USP6NL: variants seen among roughly 807,000 people sequenced by gnomAD.
USP6NL encodes USP6 N-terminal-like protein.
Under a neutral mutation model 61.9 loss-of-function variants are expected in USP6NL, and 26 were observed. That is an observed-to-expected ratio of 0.42 (90% CI 0.31 to 0.58). USP6NL has a LOEUF of 0.58. Among genes scored for constraint, USP6NL ranks in the 20% least tolerant of loss-of-function variants. The pLI, the probability that USP6NL is intolerant of heterozygous loss-of-function variation, is 0.16. For synonymous variants in USP6NL, 432 were observed against 390.1 expected, an observed-to-expected ratio of 1.11 and a Z score of -1.27; for missense variants, 1,114 against 1,034.3, an observed-to-expected ratio of 1.08 and a Z score of -1.06.
At chr10:11,471,881 C>T (rs1254939191) in intron 14 of USP6NL, among the ~76,000 whole-genome samples, 1 of 150,090 alleles carries the variant, frequency 6.7e-6, no homozygotes, top group Non-Finnish European at 1.5e-5. Flanking sequence ...ATGTAAATGA[C>T]GAGTTAATGG....
At chr10:11,552,294 G>C (rs552300474) in intron 2 of USP6NL, among the ~76,000 whole-genome samples, 1 of 152,352 alleles carries the variant, frequency 6.6e-6, no homozygotes, top group African/African-American at 2.4e-5. Context: ...GAATGACAGT[G>C]AACTTAAACA....
rs1007081958 is a variant in USP6NL, at chr10:11,491,097, AAC to A, written c.495-219_495-218del. On this transcript the variant is annotated intron_variant, in intron 8 of 14. Coordinates refer to ENST00000609104, the MANE Select transcript of USP6NL (RefSeq NM_014688.5). The surrounding 1 kb of genome is among the most constrained non-coding windows in gnomAD (Gnocchi z 4.7). ...ATTCTGAAAGGATTTATACCAAGAAAACACAAAACACTTCAAAATTCCTAAAA... is the reference window on the plus strand; with the variant it reads ...ATTCTGAAAGGATTTATACCAAGAAAACAAAACACTTCAAAATTCCTAAAA... 3.3e-5 allele frequency among the ~76,000 whole-genome samples: 5 copies of A among 152,348 alleles called. No homozygotes were observed. The East Asian group carries it at 9.6e-4, about 29-fold the overall frequency.
chr10:11,508,530 A>C (rs1045692575), intron 6 of USP6NL, among the ~76,000 whole-genome samples: 1 of 152,248 alleles, frequency 6.6e-6, no homozygotes, highest in African/African-American at 2.4e-5. Flanking sequence ...CTTGGAACTA[A>C]TCAAGGCAGC....
chr10:11,462,189 C>T lies in USP6NL; in HGVS notation c.*252G>A, dbSNP rs1420573809. ...AACTGAGTAATAAATTACCACTGTGCGTGCATCCCTAAATGCTATTGCGAT... is the reference window on the plus strand; with the variant it reads ...AACTGAGTAATAAATTACCACTGTGTGTGCATCCCTAAATGCTATTGCGAT... On this transcript the variant is annotated 3_prime_UTR_variant, in exon 15 of 15. Coordinates refer to ENST00000609104, the MANE Select transcript of USP6NL (RefSeq NM_014688.5). 1.5e-5 allele frequency: 7 copies of T among 460,154 alleles called. No homozygotes were observed. The highest frequency in any genetic ancestry group is 2.3e-5 in the Non-Finnish European group (6 of 261,750). The allele number at this position is 460,154 out of a possible 1,614,324, so 28.5% of individuals were successfully genotyped here.
rs1020982671 is a variant in USP6NL, at chr10:11,572,640, A to G, written c.4+24991T>C. On this transcript the variant is annotated intron_variant, in intron 2 of 14. Coordinates refer to ENST00000609104, the MANE Select transcript of USP6NL (RefSeq NM_014688.5). ...TCATAAGCTTTACTTTAAAACACAG[A>G]TTATATCACATTAAAGAAAAAATAT... Among the ~76,000 whole-genome samples, 3 of 152,132 alleles carry G rather than the reference A, an allele frequency of 2.0e-5. No individual in the cohort carries two copies. The East Asian group carries it at 5.8e-4, about 29-fold the overall frequency.
intron 2 of USP6NL, among the ~76,000 whole-genome samples, chr10:11,539,446 T>C (rs985514760): frequency 1.3e-5 from 2 of 152,206 alleles, no homozygotes; most frequent in African/African-American, 4.8e-5. Flanking sequence ...CAAATCAGAC[T>C]AGTAACTCCT....
Position 11,485,038 on chromosome 10 carries a change from A to G in USP6NL, c.858T>C (p.Asp286=), listed in dbSNP as rs1269128862. Residue 286 remains aspartate (D), a synonymous_variant, in exon 13 of 15, where the codon GAT becomes GAC. Coordinates refer to ENST00000609104, the MANE Select transcript of USP6NL (RefSeq NM_014688.5). The surrounding 1 kb of genome is among the most constrained non-coding windows in gnomAD (Gnocchi z 4.8). The part of the protein sequence containing the change: ...TPFTLNLRIW[D]IYIFEGERVL... ...CTCGTTCTCCTTCAAAGATGTAGAT[A>G]TCCCATATTCTGAGGTTTAGTGTAA... 2 of 1,551,264 alleles carry G rather than the reference A, an allele frequency of 1.3e-6. No individual in the cohort carries two copies. The highest frequency in any genetic ancestry group is 2.4e-5 in the East Asian group (1 of 41,136).
At chr10:11,484,452 T>G (rs1401008063) in intron 13 of USP6NL, among the ~76,000 whole-genome samples, 1 of 152,104 alleles carries the variant, frequency 6.6e-6, no homozygotes, top group Non-Finnish European at 1.5e-5. Flanking sequence ...CTGGCTGAAC[T>G]TGCCCCAGAG....
rs1057140257 is a variant in USP6NL at position 11,520,995 on chromosome 10, G to A, written c.156-2421C>T. On this transcript the variant is annotated intron_variant, in intron 4 of 14. Coordinates refer to ENST00000609104, the MANE Select transcript of USP6NL (RefSeq NM_014688.5). This position sits in a 1 kb window ranked among gnomAD's most constrained non-coding sequence, Gnocchi z 5.2. ...TACAGTAAGGGAAAACCATAAGACA[G>A]CCATCTCTGGAAAGAGAGAGACCTT... is the stretch of plus-strand genomic sequence containing the variant. Among the ~76,000 whole-genome samples the A allele has an allele frequency of 1.3e-5, 2 of 152,140 alleles. No homozygotes were observed. Among genetic ancestry groups the A allele is most frequent in the Admixed American group, 6.6e-5 (1 of 15,262 alleles).
In USP6NL at chr10:11,487,170, G is replaced by A. The variant is rs1833505413; in HGVS notation, c.665-1259C>T. Among the ~76,000 whole-genome samples the A allele has an allele frequency of 6.6e-6, 1 of 152,102 alleles. No homozygotes were observed. Among genetic ancestry groups the A allele is most frequent in the South Asian group, 2.1e-4 (1 of 4,828 alleles). On this transcript the variant is annotated intron_variant, in intron 10 of 14. Transcript: ENST00000609104. This position sits in a 1 kb window ranked among gnomAD's most constrained non-coding sequence, Gnocchi z 4.2. ...AGTCAATACAGTTCAGTAATAACTA[G>A]CTCAAGAATGCTAAGAAGCCTAACA...
chr10:11,609,923 G>A (rs1244313869), intron 1 of USP6NL, among the ~76,000 whole-genome samples: 1 of 152,174 alleles, frequency 6.6e-6, no homozygotes, highest in African/African-American at 2.4e-5. Flanking sequence ...ACTGGTAATG[G>A]ACTAGTCTTA....
At chr10:11,492,259 G>A (rs1833735986) in intron 8 of USP6NL, among the ~76,000 whole-genome samples, 1 of 152,198 alleles carries the variant, frequency 6.6e-6, no homozygotes, top group South Asian at 2.1e-4. Context: ...AGTTGACAAG[G>A]CTGGACTGCA....
rs1243732654 is a variant in USP6NL at position 11,589,252 on chromosome 10, AG to A, written c.4+8378del. On this transcript the variant is annotated intron_variant, in intron 2 of 14. Transcript: ENST00000609104. This position sits in a 1 kb window ranked among gnomAD's most constrained non-coding sequence, Gnocchi z 4.7. ...TTATAGTGGTCTGAATTAACCACTT[AG>A]CATGTAAATTTCTGTTATATTAGTT... Among the ~76,000 whole-genome samples, 1 of 152,246 alleles carries A rather than the reference AG, an allele frequency of 6.6e-6. No homozygotes were observed. The highest frequency in any genetic ancestry group is 1.5e-5 in the Non-Finnish European group (1 of 68,040).
rs1838274385 is a variant in USP6NL at position 11,594,806 on chromosome 10, T to C, written c.4+2825A>G. 2.0e-5 allele frequency among the ~76,000 whole-genome samples: 3 copies of C among 152,234 alleles called. No individual in the cohort carries two copies. The South Asian group carries it at 6.2e-4, about 32-fold the overall frequency. ...AACACCCAAGGTAGTGCAATATTTA[T>C]TTAACACCTATTTAGTGCCAGGAAC... On this transcript the variant is annotated intron_variant, in intron 2 of 14. Coordinates refer to ENST00000609104, the MANE Select transcript of USP6NL (RefSeq NM_014688.5).
At chr10:11,583,669 T>C (rs1010423798) in intron 2 of USP6NL, among the ~76,000 whole-genome samples, 10 of 152,180 alleles carry the variant, frequency 6.6e-5, no homozygotes, top group East Asian at 1.9e-4. Flanking sequence ...AAACAGAGCA[T>C]TCAACCAACC....
At chr10:11,533,848 G>A (rs930030931) in intron 2 of USP6NL, among the ~76,000 whole-genome samples, 5 of 152,148 alleles carry the variant, frequency 3.3e-5, no homozygotes, top group African/African-American at 1.2e-4. Context: ...AAGAATTTGA[G>A]AGTATACTAC....
chr10:11,533,724 A>C (rs1591898547), intron 2 of USP6NL, among the ~76,000 whole-genome samples: 1 of 152,186 alleles, frequency 6.6e-6, no homozygotes, highest in African/African-American at 2.4e-5. Flanking sequence ...GAACCCATTA[A>C]ATGATACATC....
chr10:11,534,116 G>T (rs1835752408), intron 2 of USP6NL, among the ~76,000 whole-genome samples: 1 of 151,192 alleles, frequency 6.6e-6, no homozygotes, highest in African/African-American at 2.4e-5. Flanking sequence ...GATCACCCTG[G>T]CCTGTCTTCA....
chr10:11,528,128 G>GAC lies in USP6NL; in HGVS notation c.5-563_5-562dup, dbSNP rs142649349. On this transcript the variant is annotated intron_variant, in intron 2 of 14. Coordinates refer to ENST00000609104, the MANE Select transcript of USP6NL (RefSeq NM_014688.5). The surrounding 1 kb of genome is among the most constrained non-coding windows in gnomAD (Gnocchi z 4.6). ...ACATATGTGTGTGGACACACACACA[G>GAC]ACACACACACACACACACACACACA... Among the ~76,000 whole-genome samples the GAC allele has an allele frequency of 0.073, 10,313 of 142,146 alleles. 362 individuals are homozygous for GAC. Among genetic ancestry groups the GAC allele is most frequent in the African/African-American group, 0.082 (3,166 of 38,458 alleles). The allele number at this position is 142,146 out of a possible 152,430, so 93.3% of individuals were successfully genotyped here. A position where few individuals can be genotyped will look rare whatever the true frequency, so the allele number is the denominator to read the frequency against.
Sources: allele counts gnomAD v4.1 joint callset (sites outside exome capture counted in the v4.1 genomes callset), GRCh38; gene constraint gnomAD v4.1.1; non-coding constraint Gnocchi (gnomAD v3.1); transcripts MANE v1.5; gene names NCBI Gene and HGNC (gene_info 2026-07-23, HGNC 2026-07-21).